MYLK: variants seen among roughly 807,000 people sequenced by gnomAD.
MYLK encodes myosin light chain kinase, smooth muscle.
A neutral mutation model predicts 203.4 loss-of-function variants in MYLK; 106 were observed. The observed-to-expected ratio is 0.52, with a 90% CI of 0.45 to 0.61. The LOEUF (loss-of-function observed/expected upper bound fraction) is 0.61. Among genes scored for constraint, MYLK ranks in the 20% least tolerant of loss-of-function variants. MYLK has a pLI of 0.00. For synonymous variants in MYLK, 867 were observed against 959.5 expected (o/e 0.90, Z 1.78); for missense variants, 2,072 against 2,442.3 (o/e 0.85, Z 3.20).
intron 29 of MYLK, 75 bp downstream of exon 29, chr3:123,637,996 T>G (rs999822041): frequency 1.2e-6 from 2 of 1,603,356 alleles, no homozygotes; most frequent in South Asian, 2.2e-5. Context: ...CTGGGGACCC[T>G]CCTGTGGAAC....
chr3:123,655,598 C>T (rs1178076750), intron 24 of MYLK, among the ~76,000 whole-genome samples: 1 of 152,224 alleles, frequency 6.6e-6, no homozygotes, highest in Non-Finnish European at 1.5e-5. Flanking sequence ...GTTATGTAAC[C>T]TCCAAGTTAC....
At chr3:123,619,028 G>A (rs575409827) in intron 32 of MYLK, among the ~76,000 whole-genome samples, 1 of 152,314 alleles carries the variant, frequency 6.6e-6, no homozygotes, top group African/African-American at 2.4e-5. Flanking sequence ...GTTGAAAGAG[G>A]AAATCATCTT....
Position 123,752,489 on chromosome 3 carries a change from G to C in MYLK, c.215C>G (p.Pro72Arg), listed in dbSNP as rs1048834570. 4 of 1,613,978 alleles carry C rather than the reference G, an allele frequency of 2.5e-6. No homozygotes were observed. Among genetic ancestry groups the C allele is most frequent in the Non-Finnish European group, 3.4e-6 (4 of 1,180,028 alleles). ...CAGGAAGCGGCCCCCGCTGGTGATGGGTTGCCCGTTTCTGTGCCATGTCAC... is the reference window on the plus strand; with the variant it reads ...CAGGAAGCGGCCCCCGCTGGTGATGCGTTGCCCGTTTCTGTGCCATGTCAC... ...PQVTWHRNGQPITSGGRFLLD... is the reference protein window; with the variant it reads ...PQVTWHRNGQRITSGGRFLLD... The change falls in exon 5 of 34, where the codon CCC becomes CGC. Residue 72 changes from proline (P) to arginine (R), a missense_variant. Pro to Arg is a moderately radical substitution (Grantham distance 103, BLOSUM62 -2). Around this residue, in one of 3 missense-constraint regions of MYLK, gnomAD observed 683 missense variants for 643.8 expected, o/e 1.06. Transcript: ENST00000360304.
At chr3:123,709,616 A>G in intron 14 of MYLK, 140 bp downstream of exon 14, 1 of 1,090,550 alleles carries the variant, frequency 9.2e-7, no homozygotes, top group Non-Finnish European at 1.4e-6. Flanking sequence ...AAGAGTCTCC[A>G]TTTCTTTGGG....
At chr3:123,631,507 A>T (rs2058423353) in intron 29 of MYLK, among the ~76,000 whole-genome samples, 1 of 152,190 alleles carries the variant, frequency 6.6e-6, no homozygotes, top group Non-Finnish European at 1.5e-5. Context: ...CCATCATCAT[A>T]AGCCAAGCAC....
chr3:123,710,197 C>T (rs2061635502), intron 13 of MYLK, among the ~76,000 whole-genome samples: 1 of 152,102 alleles, frequency 6.6e-6, no homozygotes, highest in South Asian at 2.1e-4. Context: ...TCACATGGCA[C>T]AAAATTCAAA....
At chr3:123,804,428 G>C (rs1032374740) in intron 3 of MYLK, among the ~76,000 whole-genome samples, 1 of 152,088 alleles carries the variant, frequency 6.6e-6, no homozygotes, top group Admixed American at 6.5e-5. Context: ...CTCCAACAGT[G>C]GTCTGTGAGA....
chr3:123,636,447 A>G (rs1485208657), intron 29 of MYLK, among the ~76,000 whole-genome samples: 3 of 152,254 alleles, frequency 2.0e-5, no homozygotes, highest in African/African-American at 7.2e-5. Flanking sequence ...CCACTGAAGA[A>G]TAAACAGTAA....
chr3:123,720,064 A>G (rs906218956), intron 13 of MYLK, among the ~76,000 whole-genome samples: 2 of 152,082 alleles, frequency 1.3e-5, no homozygotes, highest in African/African-American at 4.8e-5. Flanking sequence ...TTCACCATTT[A>G]TGGTATCTGA....
In MYLK at chr3:123,611,895, G is replaced by A. The variant is rs571420372; in HGVS notation, c.*2210C>T. 6.6e-6 allele frequency: 1 copy of A among 152,548 alleles called. No homozygotes were observed. The highest frequency in any genetic ancestry group is 2.4e-5 in the African/African-American group (1 of 41,550). 9.4% of individuals were successfully genotyped at this position (152,548 alleles called of 1,614,324 possible). A position where few individuals can be genotyped will look rare whatever the true frequency, so the allele number is the denominator to read the frequency against. Reference sequence around the variant, plus strand: ...CCTGAGAGAACCTGATGCTGCCGCTGATCTGACAGGAGGCAGAGCTCAGGC... The same window carrying A: ...CCTGAGAGAACCTGATGCTGCCGCTAATCTGACAGGAGGCAGAGCTCAGGC... On this transcript the variant is annotated 3_prime_UTR_variant, in exon 34 of 34. Coordinates refer to ENST00000360304, the MANE Select transcript of MYLK (RefSeq NM_053025.4).
At chr3:123,823,534 A>T (rs997343974) in intron 3 of MYLK, among the ~76,000 whole-genome samples, 1 of 151,924 alleles carries the variant, frequency 6.6e-6, no homozygotes, top group Non-Finnish European at 1.5e-5. Flanking sequence ...TTCTAACTTT[A>T]ATCTTATCAC....
At chr3:123,749,284 A>C (rs529014411) in intron 5 of MYLK, among the ~76,000 whole-genome samples, 3 of 152,142 alleles carry the variant, frequency 2.0e-5, no homozygotes, top group Admixed American at 2.0e-4. Flanking sequence ...GCCTCAAAAA[A>C]AAAAAAAAAG....
intron 20 of MYLK, among the ~76,000 whole-genome samples, chr3:123,676,677 A>G (rs1162631627): frequency 6.6e-6 from 1 of 152,238 alleles, no homozygotes; most frequent in Non-Finnish European, 1.5e-5. Flanking sequence ...TTCCATTGGC[A>G]TCATCCCCAG....
intron 33 of MYLK, 51 bp from the exon 34 acceptor site, chr3:123,614,400 C>A: frequency 6.2e-7 from 1 of 1,611,646 alleles, no homozygotes; most frequent in Non-Finnish European, 8.5e-7. Context: ...TTCAAAATTT[C>A]TTATCAACTC....
chr3:123,751,933 T>G (rs1393444652), intron 5 of MYLK, among the ~76,000 whole-genome samples: 1 of 151,998 alleles, frequency 6.6e-6, no homozygotes, highest in Non-Finnish European at 1.5e-5. Context: ...GTAGCCTTGC[T>G]CAAAGAAGGG....
At chr3:123,620,633 C>T (rs1023836879) in intron 31 of MYLK, 48 of 1,165,498 alleles carry the variant, frequency 4.1e-5, no homozygotes, top group Non-Finnish European at 5.0e-5. Context: ...GCTTCAACTC[C>T]CATAAAAGGG....
At chr3:123,789,530 A>AC (rs2064686979) in intron 4 of MYLK, among the ~76,000 whole-genome samples, 1 of 152,018 alleles carries the variant, frequency 6.6e-6, no homozygotes. Context: ...CAGCTGGATA[A>AC]AGGAACAGGG....
intron 16 of MYLK, among the ~76,000 whole-genome samples, chr3:123,703,596 C>A (rs1406960929): frequency 2.0e-5 from 3 of 152,176 alleles, no homozygotes; most frequent in African/African-American, 7.2e-5. Flanking sequence ...GGGTGCCAGG[C>A]CCTGGGAGAA....
At chr3:123,857,822 GA>G (rs890887055) in intron 2 of MYLK, among the ~76,000 whole-genome samples, 74 of 149,126 alleles carry the variant, frequency 5.0e-4, no homozygotes, top group African/African-American at 1.6e-3. Context: ...AAAGAAAAAA[GA>G]AAAAAAAAAT....
Sources: allele counts gnomAD v4.1 joint callset (sites outside exome capture counted in the v4.1 genomes callset), GRCh38; gene constraint gnomAD v4.1.1; regional missense constraint gnomAD v4.1.1; transcripts MANE v1.5; gene names NCBI Gene and HGNC (gene_info 2026-07-23, HGNC 2026-07-21).